MST1R: variants seen among roughly 807,000 people sequenced by gnomAD.
The protein encoded by MST1R is macrophage stimulating 1 receptor.
In MST1R, 99 loss-of-function variants were observed where a neutral mutation model predicts 117.8. The observed-to-expected ratio is 0.84, with a 90% confidence interval of 0.71 to 0.99. The LOEUF (loss-of-function observed/expected upper bound fraction) is 0.99. MST1R is among the 50% of genes least tolerant of loss of function. The pLI is 0.00. For synonymous variants in MST1R, 734 were observed against 765.3 expected (o/e 0.96, Z 0.68); for missense variants, 1,683 against 1,840.2 (o/e 0.91, Z 1.56).
At position 49,903,593 on chromosome 3, in the gene MST1R, G is replaced by C. The variant is rs2082769425; in HGVS notation, c.17C>G (p.Pro6Arg). MELLPPLPQSFLLLLL... is the reference protein window; with the variant it reads MELLPRLPQSFLLLLL... ...CAGCAACAGGAAGGACTGAGGCAGCGGCGGGAGGAGCTCCATCGAGGCGAG... is the reference window on the plus strand; with the variant it reads ...CAGCAACAGGAAGGACTGAGGCAGCCGCGGGAGGAGCTCCATCGAGGCGAG... Residue 6 changes from proline to arginine, a missense_variant, in exon 1 of 20, where the codon CCG (proline) becomes CGG (arginine). Coordinates refer to ENST00000296474, the MANE Select transcript of MST1R (RefSeq NM_002447.4). 1 of 1,564,720 alleles carries C rather than the reference G, an allele frequency of 6.4e-7. No homozygotes were observed. Among genetic ancestry groups the C allele is most frequent in the African/African-American group, 1.3e-5 (1 of 74,496 alleles).
rs781519650 is a variant in MST1R at position 49,887,569 on chromosome 3, G to A, written c.3948-7C>T. The A allele has an allele frequency of 6.2e-7, 1 of 1,613,064 alleles. No homozygotes were observed. Among genetic ancestry groups the A allele is most frequent in the South Asian group, 1.1e-5 (1 of 90,956 alleles). On this transcript the variant is annotated splice_polypyrimidine_tract_variant and splice_region_variant and intron_variant, in intron 19 of 19. Transcript: ENST00000296474. Reference sequence around the variant, plus strand: ...TTGCTGCATCACTTGGTACCTGTTGGGGGAAAGGGATGTCAGGTTAAGGCA... The same window carrying A: ...TTGCTGCATCACTTGGTACCTGTTGAGGGAAAGGGATGTCAGGTTAAGGCA...
chr3:49,899,476 C>T (rs2082596564), intron 1 of MST1R: 1 of 519,568 alleles, frequency 1.9e-6, no homozygotes, highest in African/African-American at 2.0e-5. Context: ...GGAAGGTCCA[C>T]TCCTCATTCT....
chr3:49,889,915 C>T lies in MST1R; in HGVS notation c.3947+9G>A, dbSNP rs1421095171. On this transcript the variant is annotated intron_variant, in intron 19 of 19. Coordinates refer to ENST00000296474, the MANE Select transcript of MST1R (RefSeq NM_002447.4). ...AGTTCCCTCCCCACTACCACCTCCACATACTCACAGAGAATCAGGGCAATA... is the reference window on the plus strand; with the variant it reads ...AGTTCCCTCCCCACTACCACCTCCATATACTCACAGAGAATCAGGGCAATA... 1.2e-6 allele frequency: 2 copies of T among 1,614,134 alleles called. No individual in the cohort carries two copies. The highest frequency in any genetic ancestry group is 2.2e-5 in the South Asian group (2 of 91,078).
chr3:49,901,012 C>A (rs1281962979), intron 1 of MST1R, among the ~76,000 whole-genome samples: 1 of 152,198 alleles, frequency 6.6e-6, no homozygotes, highest in East Asian at 1.9e-4. Flanking sequence ...GAGCAGGGAC[C>A]AAGATTAGTC....
At chr3:49,897,720 G>C in intron 5 of MST1R, 35 bp from the exon 6 acceptor site, 1 of 1,582,256 alleles carries the variant, frequency 6.3e-7, no homozygotes, top group Non-Finnish European at 8.6e-7. Context: ...GGTCAGCCAG[G>C]AATTACACAG....
intron 15 of MST1R, 45 bp from the exon 16 acceptor site, chr3:49,891,625 T>A: frequency 1.2e-6 from 2 of 1,611,786 alleles, no homozygotes; most frequent in Non-Finnish European, 1.7e-6. Context: ...CGTCCCTTTA[T>A]AAGGCTCAGA....
chr3:49,900,060 G>A (rs1008423696), intron 1 of MST1R, among the ~76,000 whole-genome samples: 1 of 152,168 alleles, frequency 6.6e-6, no homozygotes, highest in Admixed American at 6.5e-5. Flanking sequence ...TCTGGGCTTC[G>A]GTTTCCCCAC....
chr3:49,899,319 C>A, intron 1 of MST1R, 56 bp from the exon 2 acceptor site: 1 of 1,586,216 alleles, frequency 6.3e-7, no homozygotes, highest in South Asian at 1.1e-5. Context: ...CCCCGACCCT[C>A]TGGGGCCTTT....
In MST1R at chr3:49,896,780, T is replaced by C. The variant is rs200242275; in HGVS notation, c.2294A>G (p.Gln765Arg). 45 of 1,571,720 alleles carry C rather than the reference T, an allele frequency of 2.9e-5. No individual in the cohort carries two copies. In the Admixed American group the frequency reaches 5.0e-4, roughly 17 times the overall value. The change falls in exon 8 of 20, where the codon CAG (glutamine) becomes CGG (arginine). Residue 765 changes from glutamine to arginine, a missense_variant. Physicochemically the swap from Gln to Arg is conservative, Grantham distance 43 (BLOSUM62 1). Coordinates refer to ENST00000296474, the MANE Select transcript of MST1R (RefSeq NM_002447.4). ...GAQVPGSWTF[Q>R]YREDPVVLSI... ...TAGCACGACAGGGTCTTCTCTGTAC[T>C]GGAAGGTCCAGGAACCAGGTACCTG...
Position 49,890,613 on chromosome 3 carries a change from C to T in MST1R, c.3682G>A (p.Gly1228Ser). ...ESFTVKVADF[G>S]LARDILDREY... Reference sequence around the variant, plus strand: ...CTGTCCAGGATGTCGCGGGCCAAACCAAAGTCAGCCACCTTGACTGTGAAT... The same window carrying T: ...CTGTCCAGGATGTCGCGGGCCAAACTAAAGTCAGCCACCTTGACTGTGAAT... The change falls in exon 18 of 20, where the codon GGT becomes AGT. Residue 1228 changes from glycine to serine, a missense_variant. By Grantham distance (56) the Gly-to-Ser change is moderately conservative (BLOSUM62 0). Coordinates refer to ENST00000296474, the MANE Select transcript of MST1R (RefSeq NM_002447.4). 6 of 1,613,746 alleles carry T rather than the reference C, an allele frequency of 3.7e-6. No individual in the cohort carries two copies. Among genetic ancestry groups the T allele is most frequent in the Non-Finnish European group, 5.1e-6 (6 of 1,179,698 alleles).
rs1343263553 is a variant in MST1R at position 49,887,558 on chromosome 3, G to T, written c.3952C>A (p.Gln1318Lys). ...GCCTCCCAGCATTGCTGCATCACTTGGTACCTGTTGGGGGAAAGGGATGTC... is the reference window on the plus strand; with the variant it reads ...GCCTCCCAGCATTGCTGCATCACTTTGTACCTGTTGGGGGAAAGGGATGTC... ...QPEYCPDSLY[Q>K]VMQQCWEADP... is the part of the protein sequence containing the mutation. The change falls in exon 20 of 20, where the codon CAA becomes AAA. Residue 1318 changes from glutamine to lysine, a missense_variant. Physicochemically the swap from Gln to Lys is moderately conservative, Grantham distance 53. Coordinates refer to ENST00000296474, the MANE Select transcript of MST1R (RefSeq NM_002447.4). 6.2e-7 allele frequency: 1 copy of T among 1,613,670 alleles called. No individual in the cohort carries two copies. The highest frequency in any genetic ancestry group is 1.1e-5 in the South Asian group (1 of 91,028).
chr3:49,899,560 CTTTTTTTTTTTT>C (rs66742220), intron 1 of MST1R: 48 of 66,366 alleles, frequency 7.2e-4, no homozygotes, highest in South Asian at 2.0e-3. Flanking sequence ...CCCCGTACAT[CTTTTTTTTTTTT>C]TTTTTTTTTT....
rs775113261 is a variant in MST1R at position 49,902,585 on chromosome 3, C to T, written c.1025G>A (p.Gly342Asp). The T allele has an allele frequency of 9.3e-6, 15 of 1,613,636 alleles. No individual in the cohort carries two copies. The highest frequency in any genetic ancestry group is 1.2e-5 in the Non-Finnish European group (14 of 1,180,042). Residue 342 changes from glycine to aspartate, a missense_variant, in exon 1 of 20, where the codon GGC becomes GAC. Transcript: ENST00000296474. ...AAAGACCCCAAATAGTACTTCCTGG[C>T]CCTCGGCGATGCTCAGCTCAGTGGC... ...QLATELSIAE[G>D]QEVLFGVFVT... is the part of the protein sequence containing the mutation.
At chr3:49,898,834 C>G in intron 3 of MST1R, 33 bp downstream of exon 3, 1 of 1,613,356 alleles carries the variant, frequency 6.2e-7, no homozygotes, top group Non-Finnish European at 8.5e-7. Context: ...ATCCCACAAC[C>G]CTGGCCCCAG....
Position 49,898,075 on chromosome 3 carries a change from A to T in MST1R, c.1856T>A (p.Leu619Gln). Residue 619 changes from leucine (L) to glutamine (Q), a missense_variant, in exon 5 of 20, where the codon CTG (leucine) becomes CAG (glutamine). Coordinates refer to ENST00000296474, the MANE Select transcript of MST1R (RefSeq NM_002447.4). ...VTVGQSPCRP[L>Q]PKDSSKLRPV... ...CCTGAGTTTTGAGCTGTCCTTGGGCAGTGGCCGGCAGGGACTTTGGCCCAC... is the reference window on the plus strand; with the variant it reads ...CCTGAGTTTTGAGCTGTCCTTGGGCTGTGGCCGGCAGGGACTTTGGCCCAC... 2.5e-6 allele frequency: 4 copies of T among 1,614,136 alleles called. No homozygotes were observed. The highest frequency in any genetic ancestry group is 3.4e-6 in the Non-Finnish European group (4 of 1,180,022).
Position 49,902,913 on chromosome 3 carries a change from C to CA in MST1R, c.696dup (p.Val233CysfsTer16), listed in dbSNP as rs745619897. The CA allele has an allele frequency of 2.0e-4, 318 of 1,613,414 alleles. No individual in the cohort carries two copies. Among genetic ancestry groups the CA allele is most frequent in the Non-Finnish European group, 2.6e-4 (303 of 1,180,062 alleles). On this transcript the variant is annotated frameshift_variant, in exon 1 of 20. Coordinates refer to ENST00000296474, the MANE Select transcript of MST1R (RefSeq NM_002447.4). LOFTEE classifies it high-confidence loss of function. ...TGCTTGGGCAGCACTGACAACGCCA[C>CA]AAAGCCCGGTGCGAATCCCGAGGCG...
intron 19 of MST1R, among the ~76,000 whole-genome samples, chr3:49,888,510 G>A (rs879923881): frequency 4.0e-5 from 6 of 151,842 alleles, no homozygotes; most frequent in Admixed American, 2.0e-4. Flanking sequence ...GCTGAGGTAG[G>A]AGAATCACTT....
rs1462120757 is a variant in MST1R, at chr3:49,902,890, C to G, written c.720G>C (p.Lys240Asn). 6.2e-7 allele frequency: 1 copy of G among 1,613,460 alleles called. No individual in the cohort carries two copies. The highest frequency in any genetic ancestry group is 8.5e-7 in the Non-Finnish European group (1 of 1,180,054). ...PGFVALSVLP[K>N]HLVSYSIEYV... The stretch of plus-strand genomic sequence containing the variant: ...ATTCAATACTGTAGGAGACAAGATG[C>G]TTGGGCAGCACTGACAACGCCACAA... Residue 240 changes from lysine to asparagine, a missense_variant, in exon 1 of 20, where the codon AAG becomes AAC. Lys to Asn is a moderately conservative substitution (Grantham distance 94). Transcript: ENST00000296474.
intron 1 of MST1R, among the ~76,000 whole-genome samples, chr3:49,900,624 T>C (rs1255840696): frequency 1.3e-5 from 2 of 152,220 alleles, no homozygotes; most frequent in Non-Finnish European, 2.9e-5. Flanking sequence ...GACTGGGATT[T>C]TGTCCTCACT....
Sources: gnomAD v4.1 joint callset for allele counts (sites outside exome capture counted in the v4.1 genomes callset) on GRCh38, gnomAD v4.1.1 for gene constraint, MANE v1.5 for transcripts, NCBI Gene and HGNC (gene_info 2026-07-23, HGNC 2026-07-21) for gene names.